The following SAMMSON variants were observed in gnomAD, a reference collection of about 807,000 sequenced individuals.
The protein encoded by SAMMSON is long intergenic non-protein coding RNA 1212.
At chr3:70,252,683 C>T (rs1019079135) in intron 6 of SAMMSON, among the ~76,000 whole-genome samples, 8 of 152,070 alleles carry the variant, frequency 5.3e-5, no homozygotes, top group African/African-American at 1.4e-4. Flanking sequence ...CTGTATTGCC[C>T]TATGTTTATT....
chr3:70,199,821 C>A (rs1461610621), intron 4 of SAMMSON, among the ~76,000 whole-genome samples: 1 of 152,286 alleles, frequency 6.6e-6, no homozygotes, highest in Middle Eastern at 3.4e-3. Context: ...CCAGGATTCG[C>A]ACCCCTTCTC....
intron 4 of SAMMSON, among the ~76,000 whole-genome samples, chr3:70,186,940 AG>A (rs1193380116): frequency 1.3e-5 from 2 of 152,212 alleles, no homozygotes; most frequent in Non-Finnish European, 2.9e-5. Context: ...TTGAGTACTA[AG>A]AACCATAGTT....
At chr3:70,226,737 T>TA (rs369777217) in intron 4 of SAMMSON, among the ~76,000 whole-genome samples, 37,901 of 121,232 alleles carry the variant, frequency 0.31, 5,830 homozygotes, top group African/African-American at 0.36. Context: ...GACTCTGTCT[T>TA]AAAAAAAAAA....
chr3:70,286,226 A>C (rs1471570371), intron 6 of SAMMSON, among the ~76,000 whole-genome samples: 1 of 152,116 alleles, frequency 6.6e-6, no homozygotes, highest in African/African-American at 2.4e-5. Flanking sequence ...ATCTTGAATT[A>C]ATTTTTGTAT....
At chr3:70,345,929 T>C (rs1375359981) in intron 7 of SAMMSON, among the ~76,000 whole-genome samples, 1 of 152,202 alleles carries the variant, frequency 6.6e-6, no homozygotes, top group African/African-American at 2.4e-5. Context: ...ATGAATAAGG[T>C]TGCAATAAAT....
chr3:70,386,457 T>C (rs1206220990), intron 9 of SAMMSON, among the ~76,000 whole-genome samples: 1 of 152,120 alleles, frequency 6.6e-6, no homozygotes, highest in Non-Finnish European at 1.5e-5. Flanking sequence ...TAAATTCATT[T>C]GAACTTTAAT....
intron 2 of SAMMSON, among the ~76,000 whole-genome samples, chr3:70,423,430 G>C (rs1427573601): frequency 6.6e-6 from 1 of 152,068 alleles, no homozygotes; most frequent in Admixed American, 6.6e-5. Context: ...CATTCTTCCA[G>C]GTAGGCATGC....
chr3:70,208,007 C>T (rs1201861971), intron 4 of SAMMSON, among the ~76,000 whole-genome samples: 1 of 151,850 alleles, frequency 6.6e-6, no homozygotes, highest in African/African-American at 2.4e-5. Context: ...TCAAACAAAT[C>T]GTCAAAGAAA....
chr3:70,042,198 G>A lies in SAMMSON; in HGVS notation n.417+28526G>A, dbSNP rs114264382. 7.4e-3 allele frequency among the ~76,000 whole-genome samples: 1,128 copies of A among 152,132 alleles called. 15 individuals carry two copies. The highest frequency in any genetic ancestry group is 0.026 in the African/African-American group (1,070 of 41,502). ...GAAAATGAGTATCTATGTTTTTGAA[G>A]GCCAACCTGGGAACGCAAATCTGGA... On this transcript the variant is annotated intron_variant and non_coding_transcript_variant, in intron 3 of 9. Transcript: ENST00000642114.
intron 2 of SAMMSON, among the ~76,000 whole-genome samples, chr3:70,411,016 A>G (rs1701214069): frequency 2.0e-5 from 3 of 152,206 alleles, no homozygotes; most frequent in Admixed American, 1.3e-4. Context: ...AGCCAAGTGC[A>G]TTGACATTGT....
intron 4 of SAMMSON, among the ~76,000 whole-genome samples, chr3:70,186,464 T>G (rs995309772): frequency 2.6e-5 from 4 of 152,058 alleles, no homozygotes; most frequent in Non-Finnish European, 5.9e-5. Context: ...TTTGTAGAGA[T>G]GAGGTCTCAC....
chr3:70,400,101 A>T (rs1575641544), intron 2 of SAMMSON, among the ~76,000 whole-genome samples: 2 of 152,276 alleles, frequency 1.3e-5, no homozygotes, highest in Middle Eastern at 3.4e-3. Flanking sequence ...TTGGAACATG[A>T]AACTCTGGAT....
chr3:70,128,258 C>A (rs1038787060), intron 4 of SAMMSON, among the ~76,000 whole-genome samples: 3 of 152,084 alleles, frequency 2.0e-5, no homozygotes, highest in Non-Finnish European at 4.4e-5. Flanking sequence ...ATTCCTCTCC[C>A]GAACCAAAAC....
chr3:70,263,031 A>G (rs763734090), intron 6 of SAMMSON, among the ~76,000 whole-genome samples: 1 of 152,106 alleles, frequency 6.6e-6, no homozygotes, highest in African/African-American at 2.4e-5. Flanking sequence ...TAAAAATTTT[A>G]TTTCATTTAT....
chr3:70,232,058 A>G (rs1462725745), intron 4 of SAMMSON, among the ~76,000 whole-genome samples: 3 of 152,254 alleles, frequency 2.0e-5, no homozygotes, highest in African/African-American at 7.2e-5. Context: ...TCACTTTGTT[A>G]TTCTGACATA....
chr3:70,035,912 A>G (rs922073132), intron 3 of SAMMSON, among the ~76,000 whole-genome samples: 6 of 152,210 alleles, frequency 3.9e-5, no homozygotes, highest in Non-Finnish European at 8.8e-5. Context: ...AAAGTATAAC[A>G]AAGATTAAAA....
chr3:70,096,443 C>A (rs1471256263), intron 4 of SAMMSON, among the ~76,000 whole-genome samples: 2 of 152,146 alleles, frequency 1.3e-5, no homozygotes, highest in Non-Finnish European at 2.9e-5. Flanking sequence ...ACTCAGGAGA[C>A]TGAGAAGAGA....
At position 70,264,186 on chromosome 3, in the gene SAMMSON, G is replaced by T. The variant is rs111936163; in HGVS notation, n.674+14516G>T. Among the ~76,000 whole-genome samples, 55 of 152,256 alleles carry T rather than the reference G, an allele frequency of 3.6e-4. 1 individual carries two copies. Among genetic ancestry groups the T allele is most frequent in the African/African-American group, 1.3e-3 (55 of 41,534 alleles). ...ATTTATTCATTTTAAAATATATACA[G>T]ATGGTGTAAATAAAAATGGCAATGG... On this transcript the variant is annotated intron_variant and non_coding_transcript_variant, in intron 6 of 9. Transcript: ENST00000642114.
At chr3:70,224,824 TC>T (rs371363720) in intron 4 of SAMMSON, among the ~76,000 whole-genome samples, 7 of 151,234 alleles carry the variant, frequency 4.6e-5, no homozygotes, top group East Asian at 1.9e-4. Context: ...TTTTGCAGTT[TC>T]CCCCCCCACA....
Sources: gnomAD v4.1 joint callset for allele counts (sites outside exome capture counted in the v4.1 genomes callset) on GRCh38, gnomAD v4.1.1 for gene constraint, MANE v1.5 for transcripts, NCBI Gene and HGNC (gene_info 2026-07-23, HGNC 2026-07-21) for gene names.